The following NPM1 variants were observed in gnomAD, a reference collection of about 807,000 sequenced individuals.
NPM1 encodes the protein nucleophosmin.
Under a neutral mutation model 44.1 loss-of-function variants are expected in NPM1, and 1 was observed. The ratio of observed to expected loss-of-function variants is 0.02; its 90% CI spans 0.01 to 0.11. NPM1 has a LOEUF of 0.11. Among genes scored for constraint, NPM1 ranks in the 10% least tolerant of loss-of-function variants. NPM1 has a pLI of 1.00. For missense variants in NPM1, 197 were observed against 347.8 expected (o/e 0.57, Z 3.45); for synonymous variants, 126 against 111.8 (o/e 1.13, Z -0.80).
intron 6 of NPM1, among the ~76,000 whole-genome samples, chr5:171,394,032 T>C (rs1232402826): frequency 8.9e-6 from 1 of 112,030 alleles, no homozygotes; most frequent in Non-Finnish European, 1.9e-5. Flanking sequence ...CTGTTGCTGT[T>C]TTTGTTTTCT....
chr5:171,407,711 T>G lies in NPM1; in HGVS notation c.783T>G (p.Leu261=). 1.2e-6 allele frequency: 2 copies of G among 1,604,294 alleles called. No individual in the cohort carries two copies. The highest frequency in any genetic ancestry group is 1.7e-6 in the Non-Finnish European group (2 of 1,171,426). Residue 261 remains leucine (L), a synonymous_variant, in exon 10 of 11, where the codon CTT becomes CTG. Coordinates refer to ENST00000296930, the MANE Select transcript of NPM1 (RefSeq NM_002520.7). ...TTTTGTCTTAATAGGGTGGTTCTCT[T>G]CCCAAAGTGGAAGCCAAATTCATCA... The part of the protein sequence containing the change: ...MQASIEKGGS[L]PKVEAKFINY...
At chr5:171,409,357 T>C (rs1036536061) in intron 10 of NPM1, among the ~76,000 whole-genome samples, 4 of 152,054 alleles carry the variant, frequency 2.6e-5, no homozygotes, top group African/African-American at 9.7e-5. Context: ...CCCAGCACTT[T>C]GGGAGGCAAC....
chr5:171,402,289 C>T (rs547732566), intron 8 of NPM1, among the ~76,000 whole-genome samples: 225 of 150,752 alleles, frequency 1.5e-3, no homozygotes, highest in African/African-American at 5.2e-3. Flanking sequence ...AAATGCAAAT[C>T]GAAACCACAA....
chr5:171,398,757 C>T (rs796578438), intron 6 of NPM1, among the ~76,000 whole-genome samples: 4 of 152,170 alleles, frequency 2.6e-5, no homozygotes, highest in Non-Finnish European at 5.9e-5. Context: ...GGCGACAGAG[C>T]GAGACTCCGC....
In NPM1 at chr5:171,387,990, C is replaced by T. The variant is rs1479333062; in HGVS notation, c.42C>T (p.Pro14=). 6.2e-7 allele frequency: 1 copy of T among 1,612,958 alleles called. No individual in the cohort carries two copies. The highest frequency in any genetic ancestry group is 1.1e-5 in the South Asian group (1 of 91,024). Residue 14 remains proline (P), a synonymous_variant, in exon 1 of 11, where the codon CCC becomes CCT. Coordinates refer to ENST00000296930, the MANE Select transcript of NPM1 (RefSeq NM_002520.7). ...SMDMDMSPLR[P]QNYLFGCELK... ...ACATGGACATGAGCCCCCTGAGGCC[C>T]CAGAACTATCTTTTCGGTAACTGCT...
intron 6 of NPM1, among the ~76,000 whole-genome samples, chr5:171,398,845 ACTGTTCCT>A (rs1478951302): frequency 6.6e-6 from 1 of 152,132 alleles, no homozygotes; most frequent in Non-Finnish European, 1.5e-5. Context: ...ACAGTACAAC[ACTGTTCCT>A]CTGTGGTTTT....
intron 6 of NPM1, among the ~76,000 whole-genome samples, chr5:171,393,881 C>CTAA (rs1380456789): frequency 2.6e-5 from 4 of 152,126 alleles, no homozygotes; most frequent in Non-Finnish European, 5.9e-5. Context: ...ACCCGTAATC[C>CTAA]TAACACCCAG....
At chr5:171,409,327 T>C (rs914878096) in intron 10 of NPM1, among the ~76,000 whole-genome samples, 2 of 152,152 alleles carry the variant, frequency 1.3e-5, no homozygotes, top group African/African-American at 4.8e-5. Flanking sequence ...TGGCTGGGCG[T>C]GGTAGTTCAT....
rs1367626062 is a variant in NPM1, at chr5:171,400,848, G to A, written c.592G>A (p.Asp198Asn). The A allele has an allele frequency of 1.9e-6, 3 of 1,606,672 alleles. No homozygotes were observed. In the African/African-American group the frequency reaches 4.0e-5, roughly 22 times the overall value. ...AAATTTCTAATTGCAGTCTATACGA[G>A]ATACTCCAGCCAAAAATGCACAAAA... ...EKAPVKKSIR[D>N]TPAKNAQKSN... The change falls in exon 8 of 11, where the codon GAT becomes AAT. Residue 198 changes from aspartate to asparagine, a missense_variant. Asp to Asn is a conservative substitution (Grantham distance 23, BLOSUM62 1). Coordinates refer to ENST00000296930, the MANE Select transcript of NPM1 (RefSeq NM_002520.7).
At position 171,391,434 on chromosome 5, in the gene NPM1, C is replaced by G. The variant is rs1027715312; in HGVS notation, c.258+10C>G. The G allele has an allele frequency of 6.2e-7, 1 of 1,605,488 alleles. No homozygotes were observed. Among genetic ancestry groups the G allele is most frequent in the Non-Finnish European group, 8.5e-7 (1 of 1,179,738 alleles). On this transcript the variant is annotated intron_variant, in intron 3 of 10. Coordinates refer to ENST00000296930, the MANE Select transcript of NPM1 (RefSeq NM_002520.7). The stretch of plus-strand genomic sequence containing the variant: ...GTCTGTACAGCCAACGGTAAGGGCA[C>G]TTACATACTTTGGATGTTGTGTCAA...
intron 9 of NPM1, chr5:171,406,765 T>A (rs1211928334): frequency 9.5e-7 from 1 of 1,056,478 alleles, no homozygotes; most frequent in African/African-American, 1.6e-5. Flanking sequence ...AAATGGAAAT[T>A]GTGAGGTTTA....
At position 171,391,969 on chromosome 5, in the gene NPM1, G is replaced by A. The variant is rs112828850; in HGVS notation, c.352+170G>A. On this transcript the variant is annotated intron_variant, in intron 4 of 10. Transcript: ENST00000296930. The stretch of plus-strand genomic sequence containing the variant: ...TAAATTTTTGGGGCGGGGGGGAGAG[G>A]AAATCTTGCTGTCACCCAGGCTAGA... Among the ~76,000 whole-genome samples, 365 of 148,884 alleles carry A rather than the reference G, an allele frequency of 2.5e-3. 2 individuals are homozygous for A. Among genetic ancestry groups the A allele is most frequent in the African/African-American group, 8.9e-3 (360 of 40,568 alleles).
At chr5:171,393,610 C>A (rs1434425542) in intron 6 of NPM1, among the ~76,000 whole-genome samples, 1 of 140,690 alleles carries the variant, frequency 7.1e-6, no homozygotes, top group South Asian at 2.4e-4. Context: ...GTGCCAGTAC[C>A]AGTAATGCAT....
At chr5:171,398,852 C>T (rs1771045589) in intron 6 of NPM1, among the ~76,000 whole-genome samples, 1 of 152,150 alleles carries the variant, frequency 6.6e-6, no homozygotes, top group Non-Finnish European at 1.5e-5. Flanking sequence ...AACACTGTTC[C>T]TCTGTGGTTT....
intron 10 of NPM1, among the ~76,000 whole-genome samples, chr5:171,408,507 AG>A (rs1771677097): frequency 6.6e-6 from 1 of 152,154 alleles, no homozygotes; most frequent in Admixed American, 6.5e-5. Flanking sequence ...TTTCTGCCAT[AG>A]TATTTTGCAC....
intron 1 of NPM1, 72 bp downstream of exon 1, chr5:171,388,078 G>GGGGTGGGGGGGC: frequency 1.3e-5 from 8 of 616,732 alleles, no homozygotes; most frequent in East Asian, 3.9e-5. Context: ...TGAGGGGCGG[G>GGGGTGGGGGGGC]AATCCGGCTG....
intron 6 of NPM1, among the ~76,000 whole-genome samples, chr5:171,398,183 T>C (rs1056520009): frequency 6.6e-6 from 1 of 152,264 alleles, no homozygotes; most frequent in African/African-American, 2.4e-5. Flanking sequence ...TTAACTTTCA[T>C]GATGGTGGCC....
At chr5:171,406,303 A>ATT in intron 9 of NPM1, 2 of 1,097,568 alleles carry the variant, frequency 1.8e-6, no homozygotes, top group African/African-American at 1.5e-5. Context: ...GTTATCACTG[A>ATT]TTTTTGTCCC....
At chr5:171,400,325 T>C in intron 7 of NPM1, 115 bp downstream of exon 7, 1 of 1,193,690 alleles carries the variant, frequency 8.4e-7, no homozygotes, top group Non-Finnish European at 1.2e-6. Context: ...CATCTCATAC[T>C]GAAAATTAGT....
Sources: gnomAD v4.1 joint callset for allele counts (sites outside exome capture counted in the v4.1 genomes callset) on GRCh38, gnomAD v4.1.1 for gene constraint, MANE v1.5 for transcripts, NCBI Gene and HGNC (gene_info 2026-07-23, HGNC 2026-07-21) for gene names.